PWWP3A: variants seen among roughly 807,000 people sequenced by gnomAD.
The protein encoded by PWWP3A is PWWP domain-containing DNA repair factor 3A.
PWWP3A carries 53 observed loss-of-function variants against 79.0 expected under a neutral mutation model. The observed-to-expected ratio is 0.67, with a 90% CI of 0.54 to 0.84. The LOEUF (loss-of-function observed/expected upper bound fraction) is 0.84. Ranked by LOEUF, PWWP3A falls within the 40% of genes least tolerant of loss-of-function variation. The pLI is 0.00. For synonymous variants in PWWP3A, 443 were observed against 394.4 expected, an observed-to-expected ratio of 1.12 and a Z score of -1.46; for missense variants, 973 against 948.0, an observed-to-expected ratio of 1.03 and a Z score of -0.35.
intron 12 of PWWP3A, chr19:1,371,515 C>T (rs1249590763): frequency 1.6e-6 from 1 of 641,108 alleles, no homozygotes. Context: ...TCTGATAAAC[C>T]CGTGGTAAGT....
intron 4 of PWWP3A, chr19:1,359,897 G>T: frequency 4.8e-6 from 2 of 416,330 alleles, no homozygotes; most frequent in Non-Finnish European, 8.5e-6. Flanking sequence ...ATCAGGTTAA[G>T]GTCAATAAAT....
At chr19:1,367,938 T>C (rs1306635318) in intron 9 of PWWP3A, among the ~76,000 whole-genome samples, 1 of 152,220 alleles carries the variant, frequency 6.6e-6, no homozygotes, top group Non-Finnish European at 1.5e-5. Flanking sequence ...TCTTTTGTTT[T>C]TTTTGAGACG....
intron 7 of PWWP3A, among the ~76,000 whole-genome samples, chr19:1,364,955 C>T (rs904776657): frequency 6.6e-6 from 1 of 152,122 alleles, no homozygotes; most frequent in Non-Finnish European, 1.5e-5. Flanking sequence ...CCTGACTCTA[C>T]TAAAAATACA....
chr19:1,363,205 T>G (rs2082057802), intron 6 of PWWP3A, among the ~76,000 whole-genome samples: 1 of 152,266 alleles, frequency 6.6e-6, no homozygotes, highest in African/African-American at 2.4e-5. Flanking sequence ...GGCCTTGTTA[T>G]GTCGTTCTTT....
Position 1,357,041 on chromosome 19 carries a change from T to C in PWWP3A, c.90T>C (p.Asn30=). 18 of 1,613,352 alleles carry C rather than the reference T, an allele frequency of 1.1e-5. No homozygotes were observed. The highest frequency in any genetic ancestry group is 1.5e-5 in the Non-Finnish European group (18 of 1,179,846). The change falls in exon 3 of 14, where the codon AAT becomes AAC. Residue 30 remains asparagine (N), a synonymous_variant. Transcript: ENST00000591337. ...VLARTATSTK[N]KRRKEYFLAV... The stretch of plus-strand genomic sequence containing the variant: ...CCCGAACCGCGACTTCAACAAAAAA[T>C]AAGAGAAGAAAGGAATATTTTCTAG...
chr19:1,369,397 A>T lies in PWWP3A; in HGVS notation c.1498+57A>T. On this transcript the variant is annotated intron_variant, in intron 10 of 13. Coordinates refer to ENST00000591337, the MANE Select transcript of PWWP3A (RefSeq NM_001369789.1). The surrounding 1 kb of genome is among the most constrained non-coding windows in gnomAD (Gnocchi z 4.0). Reference sequence around the variant, plus strand: ...GGCAGCAGGCGTCCAGCCTCTGAAGACCCCTTGGACGGGCTGGGCCGGAGC... The same window carrying T: ...GGCAGCAGGCGTCCAGCCTCTGAAGTCCCCTTGGACGGGCTGGGCCGGAGC... 2 of 1,585,916 alleles carry T rather than the reference A, an allele frequency of 1.3e-6. No homozygotes were observed. The highest frequency in any genetic ancestry group is 1.7e-6 in the Non-Finnish European group (2 of 1,156,818).
At chr19:1,372,767 G>C (rs2082289590) in intron 12 of PWWP3A, 1 of 282,104 alleles carries the variant, frequency 3.5e-6, no homozygotes, top group South Asian at 6.2e-5. Context: ...AGAAAAAACC[G>C]CCACCAAAAA....
rs754438911 is a variant in PWWP3A, at chr19:1,376,295, G to GTTTTTTTTTTTTTTTTTTT, written c.2076-213_2076-212insTTTTTTTTTTTTTTTTTTT. On this transcript the variant is annotated intron_variant, in intron 13 of 13. Transcript: ENST00000591337. ...CATGCGCCACCACGCCCGGCTGTTT[G>GTTTTTTTTTTTTTTTTTTT]TTTTTTTTTTTGTTTGTTTTTTTTT... Among the ~76,000 whole-genome samples the GTTTTTTTTTTTTTTTTTTT allele has an allele frequency of 6.0e-4, 40 of 67,054 alleles. 4 individuals are homozygous for GTTTTTTTTTTTTTTTTTTT. The highest frequency in any genetic ancestry group is 9.2e-4 in the Admixed American group (5 of 5,434). 44.0% of individuals were successfully genotyped at this position (67,054 alleles called of 152,430 possible). A position where few individuals can be genotyped will look rare whatever the true frequency, so the allele number is the denominator to read the frequency against.
In PWWP3A at chr19:1,360,765, G is replaced by A; in HGVS notation, c.844G>A (p.Ala282Thr). The change falls in exon 5 of 14, where the codon GCG becomes ACG. Residue 282 changes from alanine to threonine, a missense_variant. Coordinates refer to ENST00000591337, the MANE Select transcript of PWWP3A (RefSeq NM_001369789.1). The surrounding 1 kb of genome is among the most constrained non-coding windows in gnomAD (Gnocchi z 4.4). ...CGGTCTGCCGTTGGGCAGCCTCACT[G>A]CGCCCCCAGCCCCTGAGCCCTCGGC... Reference protein sequence around the residue: ...DPGLPLGSLTAPPAPEPSACS... With the variant: ...DPGLPLGSLTTPPAPEPSACS... 6.2e-7 allele frequency: 1 copy of A among 1,611,422 alleles called. No homozygotes were observed. The highest frequency in any genetic ancestry group is 8.5e-7 in the Non-Finnish European group (1 of 1,179,002).
chr19:1,367,330 T>C lies in PWWP3A; in HGVS notation c.1422+110T>C, dbSNP rs899112330. 3.2e-6 allele frequency: 3 copies of C among 939,096 alleles called. No homozygotes were observed. In the African/African-American group the frequency reaches 5.0e-5, roughly 16 times the overall value. The allele number at this position is 939,096 out of a possible 1,614,324, so 58.2% of individuals were successfully genotyped here. On this transcript the variant is annotated intron_variant, in intron 9 of 13. Transcript: ENST00000591337. ...CATGGCTGCGGTGTACGCGTGTGAA[T>C]GATTGTGGGAAGTAGCAGAGCCAGG...
At position 1,364,540 on chromosome 19, in the gene PWWP3A, C is replaced by T. The variant is rs759132883; in HGVS notation, c.1245C>T (p.Val415=). The stretch of plus-strand genomic sequence containing the variant: ...GTTCGTTTGAAGTAGGAATGCTAGT[C>T]TGGCATAAACATAAAAAATACCCCT... ...EPRSFEVGML[V]WHKHKKYPFW... is the part of the protein sequence containing the mutation. The change falls in exon 7 of 14, where the codon GTC becomes GTT. Residue 415 remains valine (V), a synonymous_variant. Coordinates refer to ENST00000591337, the MANE Select transcript of PWWP3A (RefSeq NM_001369789.1). 2 of 1,607,600 alleles carry T rather than the reference C, an allele frequency of 1.2e-6. No individual in the cohort carries two copies. The highest frequency in any genetic ancestry group is 1.7e-6 in the Non-Finnish European group (2 of 1,178,314).
rs768595431 is a variant in PWWP3A, at chr19:1,360,298, A to G, written c.377A>G (p.His126Arg). ...DRSLRGKPME[H>R]VSSPCDSNSS... ...TCTCTGCGAGGGAAGCCCATGGAGCATGTCTCCTCGCCCTGTGATTCGAAC... is the reference window on the plus strand; with the variant it reads ...TCTCTGCGAGGGAAGCCCATGGAGCGTGTCTCCTCGCCCTGTGATTCGAAC... Residue 126 changes from histidine to arginine, a missense_variant, in exon 5 of 14, where the codon CAT becomes CGT. By Grantham distance (29) the His-to-Arg change is conservative. Transcript: ENST00000591337. This position sits in a 1 kb window ranked among gnomAD's most constrained non-coding sequence, Gnocchi z 4.4. 4 of 1,613,830 alleles carry G rather than the reference A, an allele frequency of 2.5e-6. No individual in the cohort carries two copies. In the East Asian group the frequency reaches 8.9e-5, roughly 36 times the overall value.
rs972882105 is a variant in PWWP3A, at chr19:1,355,337, C to G, written c.-70+202C>G. On this transcript the variant is annotated intron_variant, in intron 1 of 13. Transcript: ENST00000591337. Reference sequence around the variant, plus strand: ...CTCACTTTGCCTGGACTCCTTTTCCCGTCCCTGCCGCCCGGACCCCATCTC... The same window carrying G: ...CTCACTTTGCCTGGACTCCTTTTCCGGTCCCTGCCGCCCGGACCCCATCTC... Among the ~76,000 whole-genome samples the G allele has an allele frequency of 2.0e-5, 3 of 151,964 alleles. No homozygotes were observed. In the East Asian group the frequency reaches 5.8e-4, roughly 29 times the overall value.
chr19:1,362,519 A>G (rs2082040766), intron 6 of PWWP3A, among the ~76,000 whole-genome samples, 168 bp downstream of exon 6: 6 of 152,190 alleles, frequency 3.9e-5, no homozygotes, highest in Admixed American at 6.5e-5. Context: ...TCACGTTTTC[A>G]GTCCTCTATC....
rs763933657 is a variant in PWWP3A, at chr19:1,366,429, CGGCCGCTCTCAGAGTCAGAGCG to C, written c.1361+52_1361+73del. On this transcript the variant is annotated intron_variant, in intron 8 of 13. Coordinates refer to ENST00000591337, the MANE Select transcript of PWWP3A (RefSeq NM_001369789.1). ...TGTGAATGGGCCTGAGGGGCCAGGC[CGGCCGCTCTCAGAGTCAGAGCG>C]GGCGTGGGGATGGAGGGACAGAGGG... 14 of 1,547,778 alleles carry C rather than the reference CGGCCGCTCTCAGAGTCAGAGCG, an allele frequency of 9.0e-6. No individual in the cohort carries two copies. The Admixed American group carries it at 2.2e-4, about 24-fold the overall frequency.
In PWWP3A at chr19:1,378,340, C is replaced by G. The variant is rs532038794; in HGVS notation, c.*1764C>G. 1.3e-5 allele frequency: 2 copies of G among 152,438 alleles called. No homozygotes were observed. The highest frequency in any genetic ancestry group is 3.9e-4 in the East Asian group (2 of 5,186). 9.4% of individuals were successfully genotyped at this position (152,438 alleles called of 1,614,324 possible). A position where few individuals can be genotyped will look rare whatever the true frequency, so the allele number is the denominator to read the frequency against. Reference sequence around the variant, plus strand: ...TGGGAATCACGCGCCCCTGATGGAACTTTTCTGCTGTTGTGAAGTACTTTT... The same window carrying G: ...TGGGAATCACGCGCCCCTGATGGAAGTTTTCTGCTGTTGTGAAGTACTTTT... On this transcript the variant is annotated 3_prime_UTR_variant, in exon 14 of 14. Transcript: ENST00000591337.
chr19:1,356,282 C>T, intron 1 of PWWP3A, 42 bp from the exon 2 acceptor site: 3 of 1,061,578 alleles, frequency 2.8e-6, no homozygotes, highest in Non-Finnish European at 4.4e-6. Flanking sequence ...TTAACATCGC[C>T]AGCAAACAGT....
chr19:1,364,578 TG>T lies in PWWP3A; in HGVS notation c.1284+1del. The T allele has an allele frequency of 6.3e-7, 1 of 1,598,982 alleles. No homozygotes were observed. Among genetic ancestry groups the T allele is most frequent in the South Asian group, 1.1e-5 (1 of 87,424 alleles). On this transcript the variant is annotated frameshift_variant and splice_region_variant, in exon 7 of 14. Transcript: ENST00000591337. LOFTEE classifies it high-confidence loss of function. ...KHKKYPFWPAVVKSVRQRDKK... is the reference protein window; with the variant it reads ...KHKKYPFWPAXVKSVRQRDKK... ...AAAAAATACCCCTTCTGGCCAGCAG[TG>T]GTAAGAACAGCTTCCTCCGTCTTCT...
Position 1,376,660 on chromosome 19 carries a change from CAG to C in PWWP3A, c.*85_*86del, listed in dbSNP as rs373900063. The stretch of plus-strand genomic sequence containing the variant: ...TGAGCGTGTCTGAAGATGGGGGGCT[CAG>C]GGGGCACGTTTGCGTTTGGACCTGT... On this transcript the variant is annotated 3_prime_UTR_variant, in exon 14 of 14. Transcript: ENST00000591337. The C allele has an allele frequency of 3.1e-4, 439 of 1,394,270 alleles. 3 individuals carry two copies. The highest frequency in any genetic ancestry group is 1.1e-3 in the East Asian group (49 of 42,980). The allele number at this position is 1,394,270 out of a possible 1,614,324, so 86.4% of individuals were successfully genotyped here.
Sources: allele counts gnomAD v4.1 joint callset (sites outside exome capture counted in the v4.1 genomes callset), GRCh38; gene constraint gnomAD v4.1.1; non-coding constraint Gnocchi (gnomAD v3.1); transcripts MANE v1.5; gene names NCBI Gene and HGNC (gene_info 2026-07-23, HGNC 2026-07-21).